The following PDE12 variants were observed in gnomAD, a reference collection of about 807,000 sequenced individuals.
PDE12 encodes the protein 2',5'-phosphodiesterase 12.
In PDE12, 26 loss-of-function variants were observed where a neutral mutation model predicts 45.4. That is an observed-to-expected ratio of 0.57 (90% CI 0.42 to 0.79). PDE12 has a LOEUF of 0.79. Ranked by LOEUF, PDE12 falls within the 30% of genes least tolerant of loss-of-function variation. PDE12 has a pLI of 0.00. For missense variants in PDE12, 668 were observed against 790.0 expected (o/e 0.85, Z 1.85); for synonymous variants, 283 against 323.9 (o/e 0.87, Z 1.36).
the PDE12 span, among the ~76,000 whole-genome samples, chr3:57,617,266 G>A: frequency 0.13 from 20,178 of 150,908 alleles, 1,430 homozygotes; most frequent in South Asian, 0.21. Context: ...TTAGCCAGGT[G>A]TAGTGACACA....
chr3:57,576,504 CTTT>C, the PDE12 span, among the ~76,000 whole-genome samples: 4 of 101,608 alleles, frequency 3.9e-5, no homozygotes, highest in Admixed American at 1.1e-4. Context: ...CTCAACCAAG[CTTT>C]TTTTTTTTTT....
the PDE12 span, among the ~76,000 whole-genome samples, chr3:57,590,141 AAACAAAAAAAG>A: frequency 1.4e-5 from 2 of 143,930 alleles, no homozygotes; most frequent in South Asian, 2.3e-4. Context: ...ATAAAACAAA[AAACAAAAAAAG>A]AACATCTATA....
chr3:57,597,215 C>A, the PDE12 span: 1 of 1,407,408 alleles, frequency 7.1e-7, no homozygotes, highest in East Asian at 2.3e-5. Context: ...TTTCAAGCTC[C>A]CAGGCAAACT....
chr3:57,622,415 G>C, the PDE12 span, among the ~76,000 whole-genome samples: 1 of 152,146 alleles, frequency 6.6e-6, no homozygotes, highest in Non-Finnish European at 1.5e-5. Flanking sequence ...CATTAAAAAG[G>C]CTGACCATAC....
chr3:57,630,279 G>T, the PDE12 span: 3 of 658,038 alleles, frequency 4.6e-6, no homozygotes, highest in Non-Finnish European at 7.3e-6. Flanking sequence ...AATGTCCTTG[G>T]CACATAGCAC....
the PDE12 span, among the ~76,000 whole-genome samples, chr3:57,599,166 A>G: frequency 6.6e-6 from 1 of 152,180 alleles, no homozygotes; most frequent in Non-Finnish European, 1.5e-5. Context: ...CTCAAAGCAA[A>G]GGCAGGAAGA....
the PDE12 span, among the ~76,000 whole-genome samples, chr3:57,633,936 T>C: frequency 6.6e-6 from 1 of 151,978 alleles, no homozygotes; most frequent in Non-Finnish European, 1.5e-5. Flanking sequence ...CTTTATTTTA[T>C]ATTTGCTATA....
the PDE12 span, chr3:57,633,205 A>T: frequency 7.1e-7 from 1 of 1,410,074 alleles, no homozygotes; most frequent in Non-Finnish European, 9.9e-7. Context: ...GGGCGGGAAA[A>T]ACATTTATAT....
the PDE12 span, among the ~76,000 whole-genome samples, chr3:57,624,300 G>A: frequency 6.6e-6 from 1 of 151,840 alleles, no homozygotes; most frequent in South Asian, 2.1e-4. Context: ...ACAGGCGCCC[G>A]CCACCACGCC....
chr3:57,595,035 A>C, the PDE12 span, among the ~76,000 whole-genome samples: 2 of 152,236 alleles, frequency 1.3e-5, no homozygotes, highest in East Asian at 3.8e-4. Context: ...TGCCTGAGTA[A>C]TAAAACATTA....
the PDE12 span, among the ~76,000 whole-genome samples, chr3:57,577,082 C>T: frequency 1.3e-5 from 2 of 151,966 alleles, no homozygotes; most frequent in Non-Finnish European, 2.9e-5. Flanking sequence ...CACTGCTCTG[C>T]CTTCCTCCCA....
the PDE12 span, among the ~76,000 whole-genome samples, chr3:57,576,781 G>T: frequency 6.6e-6 from 1 of 152,048 alleles, no homozygotes; most frequent in African/African-American, 2.4e-5. Context: ...TGGGAAGGCT[G>T]CAAAATGCCA....
downstream of PDE12, among the ~76,000 whole-genome samples, chr3:57,567,144 T>C (rs2069792520): frequency 6.6e-6 from 1 of 152,026 alleles, no homozygotes; most frequent in African/African-American, 2.4e-5. Flanking sequence ...CCTCCGTCTC[T>C]ACTAAAAATA....
chr3:57,604,509 C>A, the PDE12 span, among the ~76,000 whole-genome samples: 44 of 151,916 alleles, frequency 2.9e-4, no homozygotes, highest in East Asian at 8.1e-3. Context: ...CACTTGTAGT[C>A]CCAGCTACTT....
chr3:57,613,633 G>A, the PDE12 span, among the ~76,000 whole-genome samples: 4 of 151,596 alleles, frequency 2.6e-5, no homozygotes, highest in African/African-American at 9.7e-5. Context: ...GGCACCTGTG[G>A]CTCACGCCTG....
At chr3:57,570,833 A>T (rs1297133731), downstream of PDE12, among the ~76,000 whole-genome samples, 1 of 152,196 alleles carries the variant, frequency 6.6e-6, no homozygotes, top group African/African-American at 2.4e-5. Context: ...TATATTGGCC[A>T]TACAAGTAGC....
chr3:57,598,048 G>A, the PDE12 span: 1 of 152,178 alleles, frequency 6.6e-6, no homozygotes, highest in African/African-American at 2.4e-5. Flanking sequence ...TTTTTAAAGA[G>A]AAGGCAAGGA....
chr3:57,562,130 G>A lies in PDE12; in HGVS notation c.*2126G>A. 1.0e-6 allele frequency: 1 copy of A among 978,774 alleles called. No individual in the cohort carries two copies. Among genetic ancestry groups the A allele is most frequent in the South Asian group, 4.7e-5 (1 of 21,122 alleles). The allele number at this position is 978,774 out of a possible 1,614,324, so 60.6% of individuals were successfully genotyped here. On this transcript the variant is annotated 3_prime_UTR_variant, in exon 3 of 3. Coordinates refer to ENST00000311180, the MANE Select transcript of PDE12 (RefSeq NM_177966.7). ...TTGATAGAACCCTTAGAGTGACTTG[G>A]GAGAAAACAAAGTGTCACATCAAAA...
the PDE12 span, chr3:57,625,929 C>T: frequency 3.3e-5 from 5 of 152,442 alleles, no homozygotes; most frequent in Admixed American, 1.3e-4. Flanking sequence ...TGATATGACA[C>T]CAACAACTTA....
Sources: gnomAD v4.1 joint callset for allele counts (sites outside exome capture counted in the v4.1 genomes callset) on GRCh38, gnomAD v4.1.1 for gene constraint, MANE v1.5 for transcripts, NCBI Gene and HGNC (gene_info 2026-07-23, HGNC 2026-07-21) for gene names.